Variants in ANK3 observed in about 807,000 individuals in gnomAD.
ANK3 encodes ankyrin-3.
Under a neutral mutation model 370.9 loss-of-function variants are expected in ANK3, and 57 were observed. That is an observed-to-expected ratio of 0.15 (90% CI 0.12 to 0.19). The LOEUF (loss-of-function observed/expected upper bound fraction) is 0.19, where lower values mean the gene tolerates loss of function less well. Among genes scored for constraint, ANK3 ranks in the 10% least tolerant of loss-of-function variants. The pLI, the probability that ANK3 is intolerant of heterozygous loss-of-function variation, is 1.00. For synonymous variants in ANK3, 1,929 were observed against 1,946.3 expected (o/e 0.99, Z 0.23); for missense variants, 4,439 against 5,302.1 (o/e 0.84, Z 5.06).
Position 60,198,529 on chromosome 10 carries a change from T to C in ANK3, c.1500A>G (p.Gln500=). The change falls in exon 14 of 44, where the codon CAA becomes CAG. Residue 500 remains glutamine, a synonymous_variant. Coordinates refer to ENST00000280772, the MANE Select transcript of ANK3 (RefSeq NM_020987.5). Reference sequence around the variant, plus strand: ...GTCGGGCTGAAATGTGGAGTGGTGTTTGGTCATCCTAAACAGCAAGGTAGA... The same window carrying C: ...GTCGGGCTGAAATGTGGAGTGGTGTCTGGTCATCCTAAACAGCAAGGTAGA... ...AQVEAKAKDD[Q]TPLHISARLG... is the part of the protein sequence containing the mutation. The C allele has an allele frequency of 1.2e-6, 2 of 1,614,088 alleles. No individual in the cohort carries two copies. The highest frequency in any genetic ancestry group is 1.7e-6 in the Non-Finnish European group (2 of 1,179,978).
chr10:60,231,469 T>A (rs1023441609), intron 8 of ANK3, among the ~76,000 whole-genome samples: 13 of 152,172 alleles, frequency 8.5e-5, no homozygotes, highest in African/African-American at 3.1e-4. Flanking sequence ...GTTGCCACAA[T>A]AGTAAGTACT....
At chr10:60,714,159 T>C (rs1263336508) in intron 1 of ANK3, among the ~76,000 whole-genome samples, 1 of 152,138 alleles carries the variant, frequency 6.6e-6, no homozygotes, top group Non-Finnish European at 1.5e-5. Flanking sequence ...AATCACTTCC[T>C]AGAAAGACAT....
intron 27 of ANK3, among the ~76,000 whole-genome samples, chr10:60,107,785 A>G (rs956570292): frequency 1.3e-5 from 2 of 152,222 alleles, no homozygotes; most frequent in Non-Finnish European, 2.9e-5. Flanking sequence ...ACACACACAC[A>G]GGTGTACATA....
intron 1 of ANK3, among the ~76,000 whole-genome samples, chr10:60,729,408 T>C (rs1029268264): frequency 2.0e-5 from 3 of 152,196 alleles, no homozygotes; most frequent in Non-Finnish European, 4.4e-5. Flanking sequence ...TAAATCACCA[T>C]AGTTATCTTC....
intron 8 of ANK3, among the ~76,000 whole-genome samples, chr10:60,219,873 A>G (rs1284819786): frequency 6.6e-6 from 1 of 152,224 alleles, no homozygotes; most frequent in East Asian, 1.9e-4. Context: ...AAATCTCAAT[A>G]GTATTAATGT....
intron 23 of ANK3, among the ~76,000 whole-genome samples, chr10:60,160,570 T>C (rs993972305): frequency 6.6e-6 from 1 of 152,070 alleles, no homozygotes; most frequent in African/African-American, 2.4e-5. Flanking sequence ...GTTACCATGA[T>C]ACCAAAACCA....
intron 2 of ANK3, among the ~76,000 whole-genome samples, chr10:60,574,999 G>A (rs1203973203): frequency 6.6e-6 from 1 of 152,084 alleles, no homozygotes; most frequent in Non-Finnish European, 1.5e-5. Context: ...TATAAAAATT[G>A]AGATTAAATT....
At chr10:60,558,861 T>G (rs2077269226) in intron 2 of ANK3, among the ~76,000 whole-genome samples, 1 of 152,174 alleles carries the variant, frequency 6.6e-6, no homozygotes. Flanking sequence ...TTTCTAATTT[T>G]CTTATTAGGG....
At chr10:60,288,658 G>T (rs567178125) in intron 1 of ANK3, among the ~76,000 whole-genome samples, 2 of 152,276 alleles carry the variant, frequency 1.3e-5, no homozygotes, top group East Asian at 3.9e-4. Context: ...GGGAGTAGGC[G>T]AAAAGGACAG....
intron 1 of ANK3, among the ~76,000 whole-genome samples, chr10:60,293,481 C>T (rs1034657119): frequency 4.6e-5 from 7 of 152,038 alleles, no homozygotes; most frequent in African/African-American, 7.2e-5. Flanking sequence ...CAGTGGTCAC[C>T]GTATCATCTC....
intron 16 of ANK3, among the ~76,000 whole-genome samples, chr10:60,189,468 C>A (rs1046113980): frequency 6.6e-6 from 1 of 152,180 alleles, no homozygotes; most frequent in Non-Finnish European, 1.5e-5. Flanking sequence ...TCTTGAGCTC[C>A]TTACCTGAGA....
chr10:60,178,805 A>T (rs1434350995), intron 18 of ANK3, among the ~76,000 whole-genome samples: 3 of 152,198 alleles, frequency 2.0e-5, no homozygotes, highest in Admixed American at 6.5e-5. Flanking sequence ...GCTTCCGGAC[A>T]TTATCCTTCT....
At chr10:60,318,283 C>T (rs934997820) in intron 1 of ANK3, among the ~76,000 whole-genome samples, 2 of 152,140 alleles carry the variant, frequency 1.3e-5, no homozygotes, top group African/African-American at 4.8e-5. Flanking sequence ...CAATTATCTA[C>T]TCAACACCCA....
intron 1 of ANK3, among the ~76,000 whole-genome samples, chr10:60,280,674 G>A (rs1276932787): frequency 6.6e-6 from 1 of 152,206 alleles, no homozygotes; most frequent in African/African-American, 2.4e-5. Context: ...CAATACAAAA[G>A]CAGGTTTTCC....
At chr10:60,466,551 C>A (rs1274602373) in intron 2 of ANK3, among the ~76,000 whole-genome samples, 3 of 152,152 alleles carry the variant, frequency 2.0e-5, no homozygotes, top group Non-Finnish European at 4.4e-5. Context: ...TTTGACCTAG[C>A]CATTCCACTC....
upstream of ANK3, chr10:60,733,514 CGCGCGGGCCGGTGCGCCGG>C: frequency 2.3e-6 from 1 of 438,504 alleles, no homozygotes. Context: ...GCCAGGTGCC[CGCGCGGGCCGGTGCGCCGG>C]GGGCGGGCCC....
intron 1 of ANK3, among the ~76,000 whole-genome samples, chr10:60,372,600 T>C (rs555261164): frequency 6.6e-6 from 1 of 152,264 alleles, no homozygotes; most frequent in African/African-American, 2.4e-5. Flanking sequence ...TGTTCAGAGA[T>C]AGGACATTTC....
intron 25 of ANK3, among the ~76,000 whole-genome samples, chr10:60,133,952 CA>C (rs1294755689): frequency 6.6e-6 from 1 of 152,062 alleles, no homozygotes; most frequent in Non-Finnish European, 1.5e-5. Context: ...TTAATACCAG[CA>C]ACTTCAGCTA....
chr10:60,082,554 T>A (rs548798175), intron 34 of ANK3, 61 bp downstream of exon 34: 2 of 1,581,576 alleles, frequency 1.3e-6, no homozygotes, highest in African/African-American at 1.4e-5. Context: ...CTTAATTGCA[T>A]ACCAAAGGCC....
Sources: gnomAD v4.1 joint callset for allele counts (sites outside exome capture counted in the v4.1 genomes callset) on GRCh38, gnomAD v4.1.1 for gene constraint, MANE v1.5 for transcripts, NCBI Gene and HGNC (gene_info 2026-07-23, HGNC 2026-07-21) for gene names.